DENND1B: variants seen among roughly 807,000 people sequenced by gnomAD.
DENND1B encodes DENN domain-containing protein 1B.
A neutral mutation model predicts 90.1 loss-of-function variants in DENND1B; 59 were observed. That is an observed-to-expected ratio of 0.65 (90% CI 0.53 to 0.81). The LOEUF is 0.81. Ranked by LOEUF, DENND1B falls within the 40% of genes least tolerant of loss-of-function variation. The pLI, the probability that DENND1B is intolerant of heterozygous loss-of-function variation, is 0.00. For missense variants in DENND1B, 862 were observed against 912.6 expected (o/e 0.94, Z 0.71); for synonymous variants, 337 against 324.6 (o/e 1.04, Z -0.41).
intron 5 of DENND1B, among the ~76,000 whole-genome samples, chr1:197,659,471 A>C (rs1461438147): frequency 6.6e-6 from 1 of 152,030 alleles, no homozygotes; most frequent in Non-Finnish European, 1.5e-5. Flanking sequence ...TAATGATATG[A>C]AAACTGATAT....
intron 6 of DENND1B, among the ~76,000 whole-genome samples, chr1:197,655,930 G>A (rs1653774660): frequency 6.6e-6 from 1 of 152,064 alleles, no homozygotes; most frequent in Non-Finnish European, 1.5e-5. Flanking sequence ...AACTTTAAGT[G>A]GCTCAAAATA....
intron 3 of DENND1B, among the ~76,000 whole-genome samples, chr1:197,686,935 G>A (rs1657305580): frequency 1.3e-5 from 2 of 152,116 alleles, no homozygotes; most frequent in Admixed American, 6.6e-5. Flanking sequence ...CCTAACAGCT[G>A]TGTAAAATCG....
chr1:197,680,907 A>G (rs375463124), intron 3 of DENND1B, among the ~76,000 whole-genome samples: 1 of 152,174 alleles, frequency 6.6e-6, no homozygotes, highest in African/African-American at 2.4e-5. Context: ...TATGAGGATT[A>G]AGTGAAAATA....
intron 20 of DENND1B, among the ~76,000 whole-genome samples, chr1:197,526,236 T>C (rs1174321462): frequency 6.6e-6 from 1 of 151,990 alleles, no homozygotes; most frequent in African/African-American, 2.4e-5. Context: ...AAAAGACTGG[T>C]TTTTCCTTTC....
intron 10 of DENND1B, among the ~76,000 whole-genome samples, chr1:197,639,360 G>A (rs1429773064): frequency 6.6e-6 from 1 of 152,012 alleles, no homozygotes; most frequent in Non-Finnish European, 1.5e-5. Flanking sequence ...CACTGCATCC[G>A]GCAAGAAATT....
intron 10 of DENND1B, among the ~76,000 whole-genome samples, chr1:197,620,819 T>A (rs1434555377): frequency 1.3e-5 from 2 of 151,264 alleles, no homozygotes; most frequent in Non-Finnish European, 3.0e-5. Flanking sequence ...TATGTGTTAG[T>A]GGAGAAAGCA....
At position 197,510,976 on chromosome 1, in the gene DENND1B, A is replaced by G. The variant is rs1667988277; in HGVS notation, c.1816-4T>C. 2 of 1,480,038 alleles carry G rather than the reference A, an allele frequency of 1.4e-6. No individual in the cohort carries two copies. Among genetic ancestry groups the G allele is most frequent in the African/African-American group, 1.4e-5 (1 of 70,948 alleles). 91.7% of individuals were successfully genotyped at this position (1,480,038 alleles called of 1,614,324 possible). A position where few individuals can be genotyped will look rare whatever the true frequency, so the allele number is the denominator to read the frequency against. On this transcript the variant is annotated splice_region_variant and splice_polypyrimidine_tract_variant and intron_variant, in intron 22 of 22. Transcript: ENST00000620048. ...CACTAGGAGCATTAGATTTATTCTG[A>G]AAAAAAGAAGAAACAACAAACTCAG... is the stretch of plus-strand genomic sequence containing the variant.
At chr1:197,669,294 A>T (rs1655251677) in intron 5 of DENND1B, among the ~76,000 whole-genome samples, 1 of 152,084 alleles carries the variant, frequency 6.6e-6, no homozygotes, top group South Asian at 2.1e-4. Context: ...AGCTTTATCC[A>T]TCCTTTCAAC....
intron 13 of DENND1B, among the ~76,000 whole-genome samples, chr1:197,599,959 A>G (rs941181437): frequency 6.6e-6 from 1 of 151,828 alleles, no homozygotes; most frequent in East Asian, 1.9e-4. Flanking sequence ...CTCATTTTGC[A>G]TAATTCTTTT....
At chr1:197,621,654 G>A (rs1414318990) in intron 10 of DENND1B, among the ~76,000 whole-genome samples, 1 of 151,280 alleles carries the variant, frequency 6.6e-6, no homozygotes, top group Non-Finnish European at 1.5e-5. Context: ...TAGTGACAGG[G>A]CCAAGACTCC....
At chr1:197,552,070 TAAC>T (rs2125683097) in intron 16 of DENND1B, among the ~76,000 whole-genome samples, 1 of 152,264 alleles carries the variant, frequency 6.6e-6, no homozygotes, top group South Asian at 2.1e-4. Flanking sequence ...ATCTTAAAAA[TAAC>T]GTTAAATTTT....
chr1:197,713,790 A>T (rs1437490817), intron 3 of DENND1B, among the ~76,000 whole-genome samples: 1 of 19,668 alleles, frequency 5.1e-5, no homozygotes, highest in Non-Finnish European at 8.2e-5. Flanking sequence ...TTATATTATA[A>T]TATTATTATA....
At chr1:197,537,627 C>T (rs555270148) in intron 20 of DENND1B, among the ~76,000 whole-genome samples, 3 of 151,814 alleles carry the variant, frequency 2.0e-5, no homozygotes, top group East Asian at 1.9e-4. Context: ...GTAATCATTT[C>T]GTTATGTATA....
rs553697680 is a variant in DENND1B, at chr1:197,546,543, C to T, written c.1281+190G>A. Among the ~76,000 whole-genome samples, 292 of 152,176 alleles carry T rather than the reference C, an allele frequency of 1.9e-3. 1 individual carries two copies. The highest frequency in any genetic ancestry group is 3.4e-3 in the Non-Finnish European group (230 of 68,004). ...CCATTTATCTTTGGACCAAAACTTT[C>T]CATTTAAAAATTATCTTAATGAGTA... On this transcript the variant is annotated intron_variant, in intron 17 of 22. Coordinates refer to ENST00000620048, the MANE Select transcript of DENND1B (RefSeq NM_001195215.2).
At chr1:197,547,984 TG>T (rs2125674670) in intron 16 of DENND1B, among the ~76,000 whole-genome samples, 1 of 152,330 alleles carries the variant, frequency 6.6e-6, no homozygotes, top group African/African-American at 2.4e-5. Flanking sequence ...CACAGTATTC[TG>T]GAAAGTGTTT....
chr1:197,661,033 A>T (rs1654357478), intron 5 of DENND1B, among the ~76,000 whole-genome samples: 1 of 152,034 alleles, frequency 6.6e-6, no homozygotes, highest in African/African-American at 2.4e-5. Context: ...CAATAAGCAT[A>T]TTGACAACTT....
chr1:197,575,013 C>G (rs961840712), intron 15 of DENND1B, among the ~76,000 whole-genome samples: 1 of 152,160 alleles, frequency 6.6e-6, no homozygotes, highest in Non-Finnish European at 1.5e-5. Flanking sequence ...CAATACCATT[C>G]AGGACATAGG....
At chr1:197,579,488 C>T (rs1190354471) in intron 15 of DENND1B, among the ~76,000 whole-genome samples, 1 of 152,036 alleles carries the variant, frequency 6.6e-6, no homozygotes, top group African/African-American at 2.4e-5. Flanking sequence ...TATGAATATA[C>T]ACTGTGTGTG....
rs1229045530 is a variant in DENND1B, at chr1:197,619,736, T to G, written c.673-1977A>C. Among the ~76,000 whole-genome samples, 3 of 151,274 alleles carry G rather than the reference T, an allele frequency of 2.0e-5. No individual in the cohort carries two copies. In the East Asian group the frequency reaches 5.9e-4, roughly 30 times the overall value. On this transcript the variant is annotated intron_variant, in intron 10 of 22. Transcript: ENST00000620048. Reference sequence around the variant, plus strand: ...TGCCTCCTTACTGGTCATCCTTAAATGAAGTTTTATTAGTTATTCGCTAAC... The same window carrying G: ...TGCCTCCTTACTGGTCATCCTTAAAGGAAGTTTTATTAGTTATTCGCTAAC...
Sources: gnomAD v4.1 joint callset for allele counts (sites outside exome capture counted in the v4.1 genomes callset) on GRCh38, gnomAD v4.1.1 for gene constraint, MANE v1.5 for transcripts, NCBI Gene and HGNC (gene_info 2026-07-23, HGNC 2026-07-21) for gene names.